The following CGNL1 variants were observed in gnomAD, a reference collection of about 807,000 sequenced individuals.
CGNL1 encodes the protein cingulin-like protein 1.
CGNL1 carries 132 observed loss-of-function variants against 141.2 expected under a neutral mutation model. The observed-to-expected ratio is 0.93, with a 90% CI of 0.81 to 1.08. The LOEUF is 1.08. Among genes scored for constraint, CGNL1 ranks in the 50% least tolerant of loss-of-function variants. CGNL1 has a pLI of 0.00. For missense variants in CGNL1, 1,870 were observed against 1,588.6 expected (o/e 1.18, Z -3.01); for synonymous variants, 690 against 622.1 (o/e 1.11, Z -1.63).
chr15:57,443,027 A>C (rs890089950), intron 4 of CGNL1, among the ~76,000 whole-genome samples: 1 of 152,246 alleles, frequency 6.6e-6, no homozygotes, highest in Non-Finnish European at 1.5e-5. Flanking sequence ...GAAAATAAGA[A>C]TAGGAAGACT....
In CGNL1 at chr15:57,451,442, T is replaced by C. The variant is rs190987742; in HGVS notation, c.1804-58T>C. ...ACTGATTATATTTGGAGGGGGAAGATAATTAAAATAAAGCACCCTGAACAT... is the reference window on the plus strand; with the variant it reads ...ACTGATTATATTTGGAGGGGGAAGACAATTAAAATAAAGCACCCTGAACAT... On this transcript the variant is annotated intron_variant, in intron 4 of 18. Transcript: ENST00000281282. The C allele has an allele frequency of 3.7e-3, 4,472 of 1,199,392 alleles. 21 individuals carry two copies. The highest frequency in any genetic ancestry group is 4.9e-3 in the Non-Finnish European group (4,025 of 819,624). 74.3% of individuals were successfully genotyped at this position (1,199,392 alleles called of 1,614,324 possible).
chr15:57,423,645 G>T (rs553988534), intron 1 of CGNL1, among the ~76,000 whole-genome samples: 1 of 152,288 alleles, frequency 6.6e-6, no homozygotes, highest in East Asian at 1.9e-4. Flanking sequence ...TGGCTTACCT[G>T]ACCCCTCCTT....
intron 1 of CGNL1, among the ~76,000 whole-genome samples, chr15:57,404,529 G>T (rs1175844687): frequency 1.3e-5 from 2 of 152,152 alleles, no homozygotes; most frequent in African/African-American, 4.8e-5. Context: ...TTTGCAAAGG[G>T]TGCATTTTCA....
At chr15:57,517,656 A>C (rs567526666) in intron 9 of CGNL1, among the ~76,000 whole-genome samples, 1 of 152,274 alleles carries the variant, frequency 6.6e-6, no homozygotes, top group South Asian at 2.1e-4. Flanking sequence ...TTGAAGTGTG[A>C]ATGGCATCAC....
chr15:57,515,459 G>A (rs12593685), intron 8 of CGNL1, among the ~76,000 whole-genome samples: 3 of 151,948 alleles, frequency 2.0e-5, no homozygotes, highest in Non-Finnish European at 2.9e-5. Flanking sequence ...CCACATGGTC[G>A]GTGATACAGC....
At chr15:57,409,338 C>T (rs1410527032) in intron 1 of CGNL1, among the ~76,000 whole-genome samples, 1 of 152,178 alleles carries the variant, frequency 6.6e-6, no homozygotes, top group East Asian at 1.9e-4. Flanking sequence ...GTCTTGAATT[C>T]CATGCTGAGG....
At chr15:57,471,237 C>A (rs1184073815) in intron 8 of CGNL1, among the ~76,000 whole-genome samples, 2 of 152,180 alleles carry the variant, frequency 1.3e-5, no homozygotes, top group Non-Finnish European at 1.5e-5. Context: ...GCTTCTCTTT[C>A]CAGGTCTACC....
intron 1 of CGNL1, among the ~76,000 whole-genome samples, chr15:57,405,772 CTCTTTCTT>C (rs201323807): frequency 0.013 from 1,548 of 123,484 alleles, 35 homozygotes; most frequent in South Asian, 0.036. Flanking sequence ...TTCTTTCTTT[CTCTTTCTT>C]TCTTTCTTTC....
intron 14 of CGNL1, among the ~76,000 whole-genome samples, chr15:57,539,642 C>G (rs1251813055): frequency 6.6e-6 from 1 of 152,244 alleles, no homozygotes; most frequent in Non-Finnish European, 1.5e-5. Context: ...TCTCTGCAGA[C>G]CCTTCCAGAA....
chr15:57,381,399 A>G (rs1238935920), intron 1 of CGNL1, among the ~76,000 whole-genome samples: 1 of 152,140 alleles, frequency 6.6e-6, no homozygotes, highest in African/African-American at 2.4e-5. Context: ...GCCTCTACAA[A>G]AAAATACAGA....
intron 8 of CGNL1, among the ~76,000 whole-genome samples, chr15:57,508,713 G>A (rs767929960): frequency 6.6e-6 from 1 of 152,212 alleles, no homozygotes; most frequent in Non-Finnish European, 1.5e-5. Context: ...TCTGCAGAAA[G>A]GCCCTGAGAG....
chr15:57,474,675 A>G (rs1370073762), intron 8 of CGNL1, among the ~76,000 whole-genome samples: 4 of 152,218 alleles, frequency 2.6e-5, no homozygotes, highest in African/African-American at 9.6e-5. Context: ...GTAAAGGGAT[A>G]CTATTTGTGT....
At chr15:57,385,545 G>C (rs1303691708) in intron 1 of CGNL1, among the ~76,000 whole-genome samples, 1 of 152,204 alleles carries the variant, frequency 6.6e-6, no homozygotes, top group Non-Finnish European at 1.5e-5. Flanking sequence ...TCTTCACACT[G>C]TGGGGCAAAG....
chr15:57,397,150 G>A (rs1264876937), intron 1 of CGNL1: 1 of 152,280 alleles, frequency 6.6e-6, no homozygotes, highest in Non-Finnish European at 1.5e-5. Flanking sequence ...ATAGAGTCAT[G>A]TGAAGAGGAA....
At chr15:57,529,149 C>T (rs1259457225) in intron 13 of CGNL1, 1 of 188,622 alleles carries the variant, frequency 5.3e-6, no homozygotes, top group Non-Finnish European at 1.1e-5. Context: ...GGCAGTGCTT[C>T]CAGCTAACTA....
At chr15:57,379,849 G>C (rs949162142) in intron 1 of CGNL1, among the ~76,000 whole-genome samples, 8 of 152,108 alleles carry the variant, frequency 5.3e-5, no homozygotes, top group Admixed American at 2.6e-4. Context: ...GGAATGGGGT[G>C]GGGGATGGAA....
intron 8 of CGNL1, among the ~76,000 whole-genome samples, chr15:57,501,792 A>T (rs910345578): frequency 6.6e-6 from 1 of 152,104 alleles, no homozygotes; most frequent in African/African-American, 2.4e-5. Flanking sequence ...CTGGCAGCTA[A>T]GGAAGAGATG....
chr15:57,449,820 C>T (rs535416985), intron 4 of CGNL1, among the ~76,000 whole-genome samples: 22 of 152,256 alleles, frequency 1.4e-4, no homozygotes, highest in African/African-American at 4.6e-4. Flanking sequence ...CACAGTATAT[C>T]ACCTTTTCAG....
At position 57,518,329 on chromosome 15, in the gene CGNL1, A is replaced by T. The variant is rs2030989645; in HGVS notation, c.2611-64A>T. 4.1e-5 allele frequency: 50 copies of T among 1,215,508 alleles called. No individual in the cohort carries two copies. In the South Asian group the frequency reaches 6.3e-4, roughly 15 times the overall value. 75.3% of individuals were successfully genotyped at this position (1,215,508 alleles called of 1,614,324 possible). On this transcript the variant is annotated intron_variant, in intron 9 of 18. Transcript: ENST00000281282. ...GTGTCTTCGGTGTTCATTTAATTCC[A>T]TTGAGTCAGTTTCATAGGTACAGCA...
Sources: allele counts gnomAD v4.1 joint callset (sites outside exome capture counted in the v4.1 genomes callset), GRCh38; gene constraint gnomAD v4.1.1; transcripts MANE v1.5; gene names NCBI Gene and HGNC (gene_info 2026-07-23, HGNC 2026-07-21).